Variants in LZIC observed in about 807,000 individuals in gnomAD.
LZIC encodes leucine zipper and CTNNBIP1 domain containing, also known as protein LZIC.
LZIC carries 28 observed loss-of-function variants against 25.4 expected under a neutral mutation model. That is an observed-to-expected ratio of 1.10 (90% CI 0.82 to 1.51). The LOEUF (loss-of-function observed/expected upper bound fraction) is 1.51. Ranked by LOEUF, LZIC falls within the 40% of genes most tolerant of loss-of-function variation. The pLI is 0.00. For synonymous variants in LZIC, 65 were observed against 70.7 expected (o/e 0.92, Z 0.40); for missense variants, 170 against 211.1 (o/e 0.81, Z 1.21).
downstream of LZIC, among the ~76,000 whole-genome samples, chr1:9,922,671 A>C (rs1639891790): frequency 6.6e-6 from 1 of 152,236 alleles, no homozygotes; most frequent in East Asian, 1.9e-4. Context: ...TTATTTCACT[A>C]ATATGCAGAA....
intron 2 of LZIC, among the ~76,000 whole-genome samples, chr1:9,937,266 G>A (rs945784512): frequency 3.9e-5 from 6 of 152,112 alleles, no homozygotes; most frequent in Admixed American, 1.3e-4. Flanking sequence ...GGTGGCAGGC[G>A]CCTGTAGTCC....
chr1:9,925,027 T>TA (rs1639947190), downstream of LZIC, among the ~76,000 whole-genome samples: 1 of 151,688 alleles, frequency 6.6e-6, no homozygotes, highest in Non-Finnish European at 1.5e-5. Flanking sequence ...AAATAACCCT[T>TA]ACCACCGGGC....
At position 9,939,537 on chromosome 1, in the gene LZIC, T is replaced by C. The variant is rs765998309; in HGVS notation, c.-8-2910A>G. On this transcript the variant is annotated intron_variant, in intron 2 of 7. Transcript: ENST00000377223. ...CTAGGATTACAGGTGTGCCACCACA[T>C]CTGCCTTTTTTTTTTTTTTTTTTTT... Among the ~76,000 whole-genome samples, 359 of 113,238 alleles carry C rather than the reference T, an allele frequency of 3.2e-3. 1 individual carries two copies. The highest frequency in any genetic ancestry group is 4.8e-3 in the Non-Finnish European group (264 of 54,860). The allele number at this position is 113,238 out of a possible 152,430, so 74.3% of individuals were successfully genotyped here. A position where few individuals can be genotyped will look rare whatever the true frequency, so the allele number is the denominator to read the frequency against.
chr1:9,941,657 G>A lies in LZIC; in HGVS notation c.-9+967C>T, dbSNP rs1370620303. Among the ~76,000 whole-genome samples the A allele has an allele frequency of 2.7e-5, 4 of 150,514 alleles. No homozygotes were observed. In the East Asian group the frequency reaches 8.0e-4, roughly 30 times the overall value. On this transcript the variant is annotated intron_variant, in intron 2 of 7. Coordinates refer to ENST00000377223, the MANE Select transcript of LZIC (RefSeq NM_032368.5). ...TGGGATTACAGGCACGCACTACCAC[G>A]CCCAGCTAATTTTTGTATTTTTAGG...
rs1640012609 is a variant in LZIC at position 9,927,164 on chromosome 1, C to T, written c.*3235G>A. On this transcript the variant is annotated 3_prime_UTR_variant, in exon 8 of 8. Transcript: ENST00000377223. ...TCCTGCTGGGCACTGCAAACTAGGC[C>T]ACTTTTAAAGTAAGATCATTTTAAA... 6.6e-6 allele frequency among the ~76,000 whole-genome samples: 1 copy of T among 152,150 alleles called. No individual in the cohort carries two copies. The highest frequency in any genetic ancestry group is 1.5e-5 in the Non-Finnish European group (1 of 68,028).
chr1:9,925,368 A>G (rs1639956881), downstream of LZIC, among the ~76,000 whole-genome samples: 1 of 152,146 alleles, frequency 6.6e-6, no homozygotes, highest in African/African-American at 2.4e-5. Flanking sequence ...CTTCACTCTA[A>G]AAAACAAACA....
intron 2 of LZIC, among the ~76,000 whole-genome samples, chr1:9,939,192 C>A (rs1275235244): frequency 6.6e-6 from 1 of 151,940 alleles, no homozygotes; most frequent in Non-Finnish European, 1.5e-5. Context: ...ATTCTCCTGC[C>A]TCAGCCTCTT....
At position 9,930,266 on chromosome 1, in the gene LZIC, T is replaced by G. The variant is rs1640152335; in HGVS notation, c.*133A>C. 2.6e-6 allele frequency: 4 copies of G among 1,533,240 alleles called. No homozygotes were observed. The highest frequency in any genetic ancestry group is 3.5e-6 in the Non-Finnish European group (4 of 1,143,846). The allele number at this position is 1,533,240 out of a possible 1,614,324, so 95.0% of individuals were successfully genotyped here. On this transcript the variant is annotated 3_prime_UTR_variant, in exon 8 of 8. Coordinates refer to ENST00000377223, the MANE Select transcript of LZIC (RefSeq NM_032368.5). The stretch of plus-strand genomic sequence containing the variant: ...CATAAACACAAGCCATAAGTATATT[T>G]TTATGTCGCTTTTTCTTAGGTTATT...
chr1:9,939,373 CTTTTTTTTTT>C (rs1346142798), intron 2 of LZIC, among the ~76,000 whole-genome samples: 3 of 133,414 alleles, frequency 2.2e-5, no homozygotes, highest in African/African-American at 5.5e-5. Flanking sequence ...TTTTTTTTTT[CTTTTTTTTTT>C]GACACAGAGT....
chr1:9,943,173 C>G (rs1640851566), intron 1 of LZIC, 76 bp downstream of exon 1: 1 of 176,140 alleles, frequency 5.7e-6, no homozygotes, highest in Non-Finnish European at 1.2e-5. Context: ...CCCGCGGCGG[C>G]CGGGCTCCAA....
chr1:9,932,934 G>A, intron 5 of LZIC, 36 bp from the exon 6 acceptor site: 2 of 1,359,910 alleles, frequency 1.5e-6, no homozygotes, highest in Non-Finnish European at 2.1e-6. Flanking sequence ...TGTTACTTAA[G>A]TGAAAAACAT....
At chr1:9,923,286 G>A (rs1264852510), downstream of LZIC, among the ~76,000 whole-genome samples, 1 of 152,088 alleles carries the variant, frequency 6.6e-6, no homozygotes, top group Non-Finnish European at 1.5e-5. Context: ...TTGGCTCACT[G>A]CAACCTCCGT....
intron 4 of LZIC, 101 bp from the exon 5 acceptor site, chr1:9,934,961 T>A: frequency 2.2e-6 from 2 of 895,334 alleles, no homozygotes; most frequent in Non-Finnish European, 3.7e-6. Flanking sequence ...GGTTTACTGG[T>A]TCCTGTCATG....
intron 4 of LZIC, among the ~76,000 whole-genome samples, chr1:9,935,183 A>T (rs183859025): frequency 6.6e-6 from 1 of 151,892 alleles, no homozygotes; most frequent in Admixed American, 6.6e-5. Context: ...TAATCCCAGC[A>T]CTTTGGGAGG....
At position 9,930,361 on chromosome 1, in the gene LZIC, T is replaced by C. The variant is rs1305184234; in HGVS notation, c.*38A>G. On this transcript the variant is annotated 3_prime_UTR_variant, in exon 8 of 8. Coordinates refer to ENST00000377223, the MANE Select transcript of LZIC (RefSeq NM_032368.5). ...CCCCAGAAGAAAGACACCATTTACA[T>C]TAAGAATGTGATCAATGTTACAAGC... 1.9e-6 allele frequency: 3 copies of C among 1,605,266 alleles called. No homozygotes were observed. Among genetic ancestry groups the C allele is most frequent in the East Asian group, 2.2e-5 (1 of 44,828 alleles).
intron 4 of LZIC, 131 bp downstream of exon 4, chr1:9,935,361 G>A: frequency 3.5e-6 from 3 of 846,126 alleles, no homozygotes; most frequent in South Asian, 1.9e-5. Context: ...CTGGGAGGCG[G>A]AGGTTGCAGT....
intron 6 of LZIC, 134 bp from the exon 7 acceptor site, chr1:9,932,106 G>T (rs1318621404): frequency 7.9e-4 from 64 of 80,990 alleles, no homozygotes; most frequent in South Asian, 1.6e-3. Context: ...AGGCGTGGGG[G>T]GGGGGGGGGG....
intron 2 of LZIC, among the ~76,000 whole-genome samples, chr1:9,938,012 T>C (rs753210272): frequency 9.9e-5 from 15 of 152,082 alleles, no homozygotes; most frequent in Non-Finnish European, 1.8e-4. Context: ...GAAGTCTTCA[T>C]TATTGGTCTA....
intron 2 of LZIC, among the ~76,000 whole-genome samples, chr1:9,939,223 G>A (rs924053553): frequency 7.2e-5 from 11 of 151,800 alleles, no homozygotes; most frequent in African/African-American, 2.4e-4. Flanking sequence ...CACCACGTCC[G>A]GCTAATTTTT....
Sources: gnomAD v4.1 joint callset for allele counts (sites outside exome capture counted in the v4.1 genomes callset) on GRCh38, gnomAD v4.1.1 for gene constraint, MANE v1.5 for transcripts, NCBI Gene and HGNC (gene_info 2026-07-23, HGNC 2026-07-21) for gene names.